PLEKHA5: variants seen among roughly 807,000 people sequenced by gnomAD.
PLEKHA5 encodes the protein pleckstrin homology domain containing A5.
Under a neutral mutation model 181.9 loss-of-function variants are expected in PLEKHA5, and 55 were observed. The observed-to-expected ratio is 0.30, with a 90% CI of 0.24 to 0.38. The LOEUF is 0.38. PLEKHA5 is among the 10% of genes least tolerant of loss of function. The probability of loss-of-function intolerance (pLI) is 1.00; values close to 1 mark genes in which losing one functional copy is unlikely to be tolerated. For missense variants in PLEKHA5, 1,432 were observed against 1,549.5 expected (o/e 0.92, Z 1.27); for synonymous variants, 535 against 529.4 (o/e 1.01, Z -0.15).
At chr12:19,159,928 A>G (rs1478998587) in intron 3 of PLEKHA5, among the ~76,000 whole-genome samples, 1 of 152,110 alleles carries the variant, frequency 6.6e-6, no homozygotes, top group East Asian at 1.9e-4. Flanking sequence ...TAAGCTGTTT[A>G]TTATAGTAAG....
intron 3 of PLEKHA5, among the ~76,000 whole-genome samples, chr12:19,148,498 A>G (rs1232085219): frequency 7.2e-5 from 11 of 152,256 alleles, no homozygotes; most frequent in Non-Finnish European, 2.9e-5. Context: ...CGACGGGCCT[A>G]GCAGGTCACA....
chr12:19,192,322 A>G (rs2151965976), intron 3 of PLEKHA5, among the ~76,000 whole-genome samples: 1 of 152,302 alleles, frequency 6.6e-6, no homozygotes, highest in African/African-American at 2.4e-5. Context: ...AGACTGATTA[A>G]GTTCACTTTA....
At chr12:19,225,453 C>T (rs940790459) in intron 3 of PLEKHA5, among the ~76,000 whole-genome samples, 6 of 152,202 alleles carry the variant, frequency 3.9e-5, no homozygotes, top group African/African-American at 9.6e-5. Context: ...TTAGTTTTAG[C>T]ATTTGTGGAG....
intron 11 of PLEKHA5, among the ~76,000 whole-genome samples, chr12:19,282,319 T>G (rs903435946): frequency 1.3e-5 from 2 of 152,210 alleles, no homozygotes; most frequent in Non-Finnish European, 2.9e-5. Context: ...CTGGAAACTT[T>G]GCAAAATTGC....
At chr12:19,197,660 CAG>C (rs1198709077) in intron 3 of PLEKHA5, among the ~76,000 whole-genome samples, 2 of 146,628 alleles carry the variant, frequency 1.4e-5, no homozygotes, top group Non-Finnish European at 3.0e-5. Flanking sequence ...GTTGAAGTCA[CAG>C]AGTCTATCCG....
chr12:19,171,031 A>G (rs2045769782), intron 3 of PLEKHA5, among the ~76,000 whole-genome samples: 1 of 152,228 alleles, frequency 6.6e-6, no homozygotes, highest in South Asian at 2.1e-4. Context: ...GCAGTTTGGT[A>G]TGTAAAATGA....
At chr12:19,139,627 G>A (rs1316693388) in intron 3 of PLEKHA5, among the ~76,000 whole-genome samples, 3 of 152,200 alleles carry the variant, frequency 2.0e-5, no homozygotes, top group African/African-American at 7.2e-5. Context: ...GGGGGAGCCA[G>A]TAATAAAATA....
At chr12:19,349,739 A>AG (rs1491095359) in intron 25 of PLEKHA5, among the ~76,000 whole-genome samples, 1 of 147,298 alleles carries the variant, frequency 6.8e-6, no homozygotes, top group Non-Finnish European at 1.5e-5. Flanking sequence ...AACCAGAAAC[A>AG]GAAAAAAAAA....
At chr12:19,259,173 A>G (rs368199021) in intron 6 of PLEKHA5, among the ~76,000 whole-genome samples, 1 of 152,030 alleles carries the variant, frequency 6.6e-6, no homozygotes, top group Non-Finnish European at 1.5e-5. Context: ...CTTGGGCAAC[A>G]TAGTGAGACC....
chr12:19,308,693 T>C (rs571699616), intron 15 of PLEKHA5, among the ~76,000 whole-genome samples: 2 of 152,302 alleles, frequency 1.3e-5, no homozygotes, highest in South Asian at 2.1e-4. Context: ...ATGGATCTCC[T>C]TATGGTCTTG....
intron 6 of PLEKHA5, among the ~76,000 whole-genome samples, chr12:19,260,701 C>CA (rs534459612): frequency 4.0e-5 from 6 of 150,638 alleles, no homozygotes; most frequent in Admixed American, 1.3e-4. Flanking sequence ...ACTAAAAATA[C>CA]AAAAAAAAAT....
chr12:19,199,889 C>T (rs2152058620), intron 3 of PLEKHA5, among the ~76,000 whole-genome samples: 1 of 152,024 alleles, frequency 6.6e-6, no homozygotes, highest in East Asian at 1.9e-4. Flanking sequence ...ATAAGCCAGG[C>T]ACAGAAAGAC....
chr12:19,177,427 AGAT>A (rs2047570959), intron 3 of PLEKHA5, among the ~76,000 whole-genome samples: 1 of 152,202 alleles, frequency 6.6e-6, no homozygotes, highest in Non-Finnish European at 1.5e-5. Context: ...CATATAAGGA[AGAT>A]GATATTTCAT....
At chr12:19,172,436 A>C (rs2046123944) in intron 3 of PLEKHA5, among the ~76,000 whole-genome samples, 2 of 151,200 alleles carry the variant, frequency 1.3e-5, no homozygotes, top group Admixed American at 6.6e-5. Flanking sequence ...CCCAAAACTC[A>C]CCAATAAGAA....
chr12:19,211,954 G>A (rs1181086855), intron 3 of PLEKHA5, among the ~76,000 whole-genome samples: 3 of 152,172 alleles, frequency 2.0e-5, no homozygotes, highest in Admixed American at 6.5e-5. Context: ...TTTCTTGGAA[G>A]GTCAGATAAA....
At chr12:19,346,354 G>C (rs2094331895) in intron 23 of PLEKHA5, among the ~76,000 whole-genome samples, 1 of 151,610 alleles carries the variant, frequency 6.6e-6, no homozygotes, top group Non-Finnish European at 1.5e-5. Flanking sequence ...CTTAAAAATT[G>C]GGGGGCCAGG....
intron 26 of PLEKHA5, among the ~76,000 whole-genome samples, chr12:19,356,888 T>C (rs569257812): frequency 6.6e-6 from 1 of 152,044 alleles, no homozygotes; most frequent in Non-Finnish European, 1.5e-5. Flanking sequence ...CTCTAACTCC[T>C]GACCTCGTGA....
intron 24 of PLEKHA5, among the ~76,000 whole-genome samples, chr12:19,347,882 CTTT>C (rs527719770): frequency 1.8e-4 from 21 of 119,768 alleles, no homozygotes; most frequent in East Asian, 2.4e-4. Context: ...CAGAAATATT[CTTT>C]TTTTTTTTTT....
chr12:19,222,704 G>T (rs2059140312), intron 3 of PLEKHA5, among the ~76,000 whole-genome samples: 1 of 152,080 alleles, frequency 6.6e-6, no homozygotes. Flanking sequence ...TTTTCTTTTA[G>T]CTACTCTTTA....
Sources: allele counts gnomAD v4.1 joint callset (sites outside exome capture counted in the v4.1 genomes callset), GRCh38; gene constraint gnomAD v4.1.1; transcripts MANE v1.5; gene names NCBI Gene and HGNC (gene_info 2026-07-23, HGNC 2026-07-21).